The following COL6A6 variants were observed in gnomAD, a reference collection of about 807,000 sequenced individuals.
COL6A6 encodes the protein collagen type VI alpha 6 chain, also known as collagen alpha-6(VI) chain.
A neutral mutation model predicts 208.6 loss-of-function variants in COL6A6; 183 were observed. The ratio of observed to expected loss-of-function variants is 0.88; its 90% confidence interval spans 0.78 to 0.99. COL6A6 has a LOEUF of 0.99. COL6A6 is among the 50% of genes least tolerant of loss of function. The pLI, the probability that COL6A6 is intolerant of heterozygous loss-of-function variation, is 0.00. For synonymous variants in COL6A6, 973 were observed against 1,011.8 expected, an observed-to-expected ratio of 0.96 and a Z score of 0.73; for missense variants, 2,816 against 2,815.2, an observed-to-expected ratio of 1.00 and a Z score of -0.01.
At chr3:130,592,800 A>G in intron 15 of COL6A6, 78 bp downstream of exon 15, 1 of 1,320,792 alleles carries the variant, frequency 7.6e-7, no homozygotes, top group African/African-American at 1.5e-5. Context: ...ATTTATCAGT[A>G]AATTATACAA....
At chr3:130,669,916 A>G (rs75229722) in intron 36 of COL6A6, among the ~76,000 whole-genome samples, 3,027 of 152,316 alleles carry the variant, frequency 0.02, 102 homozygotes, top group African/African-American at 0.068. Flanking sequence ...ACCACAATCA[A>G]ATGTGCACCA....
chr3:130,565,647 G>T (rs2063001584), intron 4 of COL6A6, 33 bp downstream of exon 4: 3 of 1,563,406 alleles, frequency 1.9e-6, no homozygotes, highest in African/African-American at 1.4e-5. Context: ...GGGTTGTTTG[G>T]ATTCTTTTTT....
chr3:130,607,498 C>T (rs1188691827), intron 21 of COL6A6, among the ~76,000 whole-genome samples: 2 of 152,124 alleles, frequency 1.3e-5, no homozygotes, highest in African/African-American at 4.8e-5. Flanking sequence ...TTATAAAACA[C>T]ACATCCTCAG....
chr3:130,528,209 A>G (rs1426326651), intron 1 of COL6A6, among the ~76,000 whole-genome samples: 2 of 152,188 alleles, frequency 1.3e-5, no homozygotes, highest in African/African-American at 4.8e-5. Flanking sequence ...GGAGACGAGG[A>G]CTGAGCAGGA....
At chr3:130,610,539 T>C (rs867962699) in intron 22 of COL6A6, 110 bp from the exon 23 acceptor site, 3 of 815,750 alleles carry the variant, frequency 3.7e-6, no homozygotes, top group Middle Eastern at 2.3e-4. Flanking sequence ...GGAGCTCTCT[T>C]TCCCATTTCT....
rs202242825 is a variant in COL6A6, at chr3:130,570,870, C to A, written c.2454C>A (p.Gly818=). The A allele has an allele frequency of 1.9e-6, 3 of 1,613,814 alleles. No individual in the cohort carries two copies. Among genetic ancestry groups the A allele is most frequent in the African/African-American group, 1.3e-5 (1 of 75,044 alleles). The change falls in exon 7 of 37, where the codon GGC becomes GGA. Residue 818 remains glycine (G), a synonymous_variant. Transcript: ENST00000358511. ...LDVVFVIDSS[G]SIDYDEYNIM... ...TTGTGTTTGTCATTGATAGCTCTGG[C>A]AGTATTGACTATGATGAGTATAATA...
chr3:130,628,852 A>T (rs2064974614), intron 26 of COL6A6, among the ~76,000 whole-genome samples: 1 of 115,412 alleles, frequency 8.7e-6, no homozygotes, highest in South Asian at 2.7e-4. Flanking sequence ...TGTTAGAAGG[A>T]AAACTAACAA....
In COL6A6 at chr3:130,642,836, T is replaced by C. The variant is rs373233541; in HGVS notation, c.5159T>C (p.Val1720Ala). 1 of 1,613,738 alleles carries C rather than the reference T, an allele frequency of 6.2e-7. No homozygotes were observed. The highest frequency in any genetic ancestry group is 8.5e-7 in the Non-Finnish European group (1 of 1,179,786). Residue 1720 changes from valine (V) to alanine (A), a missense_variant, in exon 30 of 37, where the codon GTG becomes GCG. Physicochemically the swap from Val to Ala is moderately conservative, Grantham distance 64. Transcript: ENST00000358511. ...ATGTTTTGTTTGTTTTCCTAGGGTG[T>C]GAAAGGAGCCAAAGGCTTGGCTTCA... ...GEPGPPGRKG[V>A]KGAKGLASFS...
At chr3:130,645,096 GAC>G (rs2065429243) in intron 32 of COL6A6, 94 bp downstream of exon 32, 1 of 1,229,648 alleles carries the variant, frequency 8.1e-7, no homozygotes, top group Non-Finnish European at 1.2e-6. Context: ...GCTTCCAAAT[GAC>G]ACAAATTTTA....
chr3:130,575,719 C>T (rs2063278994), intron 8 of COL6A6, among the ~76,000 whole-genome samples: 1 of 152,124 alleles, frequency 6.6e-6, no homozygotes, highest in South Asian at 2.1e-4. Flanking sequence ...GGGGGAACAA[C>T]TAAAAGGGTA....
Position 130,591,057 on chromosome 3 carries a change from A to T in COL6A6, c.4235A>T (p.Lys1412Ile). The change falls in exon 13 of 37, where the codon AAA becomes ATA. Residue 1412 changes from lysine (K) to isoleucine (I), a missense_variant. By Grantham distance (102) the Lys-to-Ile change is moderately radical. Coordinates refer to ENST00000358511, the MANE Select transcript of COL6A6 (RefSeq NM_001102608.3). ...PPGKRGPPGF[K>I]GSEGYLGEEG... Reference sequence around the variant, plus strand: ...TATTTCCAGGGACCTCCAGGTTTTAAAGGCAGTGAAGGCTACCTGGGAGAG... The same window carrying T: ...TATTTCCAGGGACCTCCAGGTTTTATAGGCAGTGAAGGCTACCTGGGAGAG... The T allele has an allele frequency of 6.3e-7, 1 of 1,581,872 alleles. No homozygotes were observed. Among genetic ancestry groups the T allele is most frequent in the South Asian group, 1.2e-5 (1 of 86,266 alleles).
Position 130,662,175 on chromosome 3 carries a change from T to C in COL6A6, c.6369T>C (p.Ile2123=), listed in dbSNP as rs373027231. The C allele has an allele frequency of 5.6e-6, 9 of 1,613,848 alleles. No individual in the cohort carries two copies. The African/African-American group carries it at 1.1e-4, about 19-fold the overall frequency. Reference sequence around the variant, plus strand: ...TATTTGTGTTTTCCCTTGGCCCTATTTGGGATGACAAGGAACTGGAGGATC... The same window carrying C: ...TATTTGTGTTTTCCCTTGGCCCTATCTGGGATGACAAGGAACTGGAGGATC... The part of the protein sequence containing the change: ...YALFVFSLGP[I]WDDKELEDLA... The change falls in exon 35 of 37, where the codon ATT becomes ATC. Residue 2123 remains isoleucine, a synonymous_variant. Transcript: ENST00000358511.
intron 23 of COL6A6, among the ~76,000 whole-genome samples, chr3:130,620,999 G>C (rs1393382999): frequency 6.6e-6 from 1 of 152,202 alleles, no homozygotes; most frequent in African/African-American, 2.4e-5. Context: ...GAGGAAGGTA[G>C]TTGTGTCATC....
At chr3:130,559,714 T>A (rs867879765) in intron 1 of COL6A6, among the ~76,000 whole-genome samples, 18 of 152,066 alleles carry the variant, frequency 1.2e-4, no homozygotes, top group African/African-American at 4.3e-4. Flanking sequence ...CAAAATGAGA[T>A]TGGAAAACCC....
intron 1 of COL6A6, among the ~76,000 whole-genome samples, chr3:130,524,068 A>C (rs2061905212): frequency 6.6e-6 from 1 of 152,146 alleles, no homozygotes; most frequent in Non-Finnish European, 1.5e-5. Flanking sequence ...CTAATCTTTG[A>C]GCCTCCGGGG....
chr3:130,553,761 T>G (rs2062701394), intron 1 of COL6A6, among the ~76,000 whole-genome samples: 1 of 152,222 alleles, frequency 6.6e-6, no homozygotes, highest in Admixed American at 6.5e-5. Context: ...CTTGCACTGA[T>G]TCTTTCTCAT....
At chr3:130,545,152 C>T (rs1219202527) in intron 1 of COL6A6, among the ~76,000 whole-genome samples, 1 of 152,058 alleles carries the variant, frequency 6.6e-6, no homozygotes, top group African/African-American at 2.4e-5. Context: ...TTTATCATAT[C>T]AGGTCTTATA....
chr3:130,542,502 G>A (rs186804241), intron 1 of COL6A6, among the ~76,000 whole-genome samples: 5 of 152,238 alleles, frequency 3.3e-5, no homozygotes, highest in South Asian at 4.1e-4. Flanking sequence ...TTCTGCTGTT[G>A]TTGGATGAAG....
intron 36 of COL6A6, among the ~76,000 whole-genome samples, chr3:130,669,382 G>C (rs2066154913): frequency 6.6e-6 from 1 of 151,720 alleles, no homozygotes; most frequent in Non-Finnish European, 1.5e-5. Context: ...GCAAGAGTGA[G>C]ACTCTGTCTC....
Sources: allele counts gnomAD v4.1 joint callset (sites outside exome capture counted in the v4.1 genomes callset), GRCh38; gene constraint gnomAD v4.1.1; transcripts MANE v1.5; gene names NCBI Gene and HGNC (gene_info 2026-07-23, HGNC 2026-07-21).